IGSF10: variants seen among roughly 807,000 people sequenced by gnomAD.
IGSF10 encodes immunoglobulin superfamily member 10, also known as calvaria mechanical force protein 608.
Under a neutral mutation model 128.2 loss-of-function variants are expected in IGSF10, and 126 were observed. That is an observed-to-expected ratio of 0.98 (90% CI 0.85 to 1.14). The LOEUF (loss-of-function observed/expected upper bound fraction) is 1.14. IGSF10 is among the 50% of genes most tolerant of loss of function. IGSF10 has a pLI of 0.00. For synonymous variants in IGSF10, 1,185 were observed against 1,146.2 expected (o/e 1.03, Z -0.68); for missense variants, 3,295 against 3,149.8 (o/e 1.05, Z -1.10).
chr3:151,555,939 C>G, the IGSF10 span, among the ~76,000 whole-genome samples: 1 of 152,132 alleles, frequency 6.6e-6, no homozygotes, highest in East Asian at 1.9e-4. Flanking sequence ...CAGATATGCT[C>G]TTACACTCAA....
At chr3:151,514,971 G>C in the IGSF10 span, among the ~76,000 whole-genome samples, 1 of 152,140 alleles carries the variant, frequency 6.6e-6, no homozygotes, top group African/African-American at 2.4e-5. Context: ...GGAAACAACA[G>C]GTGCTGGAGA....
At position 151,443,175 on chromosome 3, in the gene IGSF10, A is replaced by C; in HGVS notation, c.5772T>G (p.Gly1924=). 2.5e-6 allele frequency: 4 copies of C among 1,614,236 alleles called. No individual in the cohort carries two copies. The highest frequency in any genetic ancestry group is 3.4e-6 in the Non-Finnish European group (4 of 1,180,044). ...TAAGCATTACTACTCTTCGCTCCGA[A>C]CCAGTGGAACTGGTAGCAATGCATT... The part of the protein sequence containing the change: ...TYECIATSST[G]SERRVVMLTM... The change falls in exon 7 of 8, where the codon GGT becomes GGG. Residue 1924 remains glycine (G), a synonymous_variant. Coordinates refer to ENST00000282466, the MANE Select transcript of IGSF10 (RefSeq NM_178822.5).
At chr3:151,502,902 A>G in the IGSF10 span, among the ~76,000 whole-genome samples, 3 of 152,064 alleles carry the variant, frequency 2.0e-5, no homozygotes, top group Non-Finnish European at 4.4e-5. Context: ...GCAAATTTGA[A>G]CTTCTATTTT....
the IGSF10 span, among the ~76,000 whole-genome samples, chr3:151,606,950 A>G: frequency 6.6e-6 from 1 of 152,224 alleles, no homozygotes; most frequent in Non-Finnish European, 1.5e-5. Context: ...CCACAGGGAC[A>G]GTATTGTAAT....
At chr3:151,590,913 A>G in the IGSF10 span, among the ~76,000 whole-genome samples, 1 of 152,334 alleles carries the variant, frequency 6.6e-6, no homozygotes, top group South Asian at 2.1e-4. Flanking sequence ...ATTATGATCA[A>G]TGGCAAGTCA....
At chr3:151,495,508 C>T in the IGSF10 span, among the ~76,000 whole-genome samples, 1 of 152,018 alleles carries the variant, frequency 6.6e-6, no homozygotes, top group Non-Finnish European at 1.5e-5. Context: ...TCTACATTAT[C>T]CGTGACAACA....
At chr3:151,539,420 C>T in the IGSF10 span, among the ~76,000 whole-genome samples, 6 of 152,242 alleles carry the variant, frequency 3.9e-5, no homozygotes, top group South Asian at 2.1e-4. Context: ...GTGTTAAGGG[C>T]GGAACAAGAA....
chr3:151,501,197 A>C, the IGSF10 span, among the ~76,000 whole-genome samples: 1 of 151,990 alleles, frequency 6.6e-6, no homozygotes, highest in Non-Finnish European at 1.5e-5. Context: ...CAGTTTGAGG[A>C]CTTTTTATTT....
chr3:151,589,742 A>C, the IGSF10 span, among the ~76,000 whole-genome samples: 1 of 152,206 alleles, frequency 6.6e-6, no homozygotes, highest in Admixed American at 6.5e-5. Flanking sequence ...AAAGTGATGC[A>C]AATGAACCCT....
At chr3:151,598,826 G>A in the IGSF10 span, among the ~76,000 whole-genome samples, 2 of 152,196 alleles carry the variant, frequency 1.3e-5, no homozygotes, top group East Asian at 3.8e-4. Context: ...TATCTAGTGA[G>A]TGGGTGATGG....
intron 4 of IGSF10, among the ~76,000 whole-genome samples, chr3:151,454,225 CA>C (rs913740728): frequency 1.4e-4 from 21 of 152,010 alleles, no homozygotes; most frequent in African/African-American, 5.1e-4. Flanking sequence ...ACCATGTTGG[CA>C]AGGTTGGTCT....
chr3:151,580,302 T>C, the IGSF10 span, among the ~76,000 whole-genome samples: 2 of 152,128 alleles, frequency 1.3e-5, no homozygotes, highest in Admixed American at 6.5e-5. Flanking sequence ...GAATTTATTA[T>C]CAGCCAACTT....
At chr3:151,503,633 T>C in the IGSF10 span, among the ~76,000 whole-genome samples, 1 of 152,168 alleles carries the variant, frequency 6.6e-6, no homozygotes, top group African/African-American at 2.4e-5. Context: ...CAGTGGGTTC[T>C]CCTTTCCCAC....
At chr3:151,518,123 A>T in the IGSF10 span, among the ~76,000 whole-genome samples, 1 of 152,006 alleles carries the variant, frequency 6.6e-6, no homozygotes, top group Non-Finnish European at 1.5e-5. Context: ...GTTCAGCCTA[A>T]AGGTTTTTCT....
chr3:151,439,899 C>G (rs879335844), intron 7 of IGSF10, among the ~76,000 whole-genome samples: 7 of 152,162 alleles, frequency 4.6e-5, no homozygotes, highest in Middle Eastern at 3.2e-3. Flanking sequence ...TATGAGAAAA[C>G]GTCTTTCTTA....
At chr3:151,513,755 T>G in the IGSF10 span, among the ~76,000 whole-genome samples, 4 of 152,208 alleles carry the variant, frequency 2.6e-5, no homozygotes, top group Non-Finnish European at 5.9e-5. Flanking sequence ...TTTAAGCTGA[T>G]AAGCAACTTC....
At chr3:151,497,087 A>T in the IGSF10 span, among the ~76,000 whole-genome samples, 1 of 152,140 alleles carries the variant, frequency 6.6e-6, no homozygotes, top group African/African-American at 2.4e-5. Flanking sequence ...CCTTTGTCAG[A>T]TGAGTAGGTT....
At chr3:151,536,345 C>T in the IGSF10 span, among the ~76,000 whole-genome samples, 1 of 151,992 alleles carries the variant, frequency 6.6e-6, no homozygotes, top group African/African-American at 2.4e-5. Flanking sequence ...AGAGGGTGAC[C>T]CTCAGTCTGA....
At chr3:151,502,013 A>G in the IGSF10 span, among the ~76,000 whole-genome samples, 11 of 152,170 alleles carry the variant, frequency 7.2e-5, no homozygotes, top group Middle Eastern at 6.8e-3. Context: ...AAAGCTGTTA[A>G]AATAGTGAGA....
Sources: allele counts gnomAD v4.1 joint callset (sites outside exome capture counted in the v4.1 genomes callset), GRCh38; gene constraint gnomAD v4.1.1; transcripts MANE v1.5; gene names NCBI Gene and HGNC (gene_info 2026-07-23, HGNC 2026-07-21).